Variants in MAF observed in about 807,000 individuals in gnomAD.
The protein encoded by MAF is MAF bZIP transcription factor.
MAF carries 10 observed loss-of-function variants against 22.0 expected under a neutral mutation model. The ratio of observed to expected loss-of-function variants is 0.45; its 90% CI spans 0.28 to 0.77. The LOEUF is 0.77. Ranked by LOEUF, MAF falls within the 30% of genes least tolerant of loss-of-function variation. The pLI is 0.12. For missense variants in MAF, 544 were observed against 548.4 expected (o/e 0.99, Z 0.08); for synonymous variants, 337 against 255.8 (o/e 1.32, Z -3.03).
At chr16:79,464,310 A>G in the MAF span, among the ~76,000 whole-genome samples, 2 of 152,112 alleles carry the variant, frequency 1.3e-5, no homozygotes, top group Non-Finnish European at 2.9e-5. Context: ...TGTAGAGATA[A>G]CTGAGAGGAC....
the MAF span, among the ~76,000 whole-genome samples, chr16:79,533,036 T>G: frequency 6.6e-6 from 1 of 152,250 alleles, no homozygotes; most frequent in African/African-American, 2.4e-5. Context: ...ATACGATGAC[T>G]AATACAGGAA....
At chr16:79,567,542 G>C in the MAF span, among the ~76,000 whole-genome samples, 1 of 151,978 alleles carries the variant, frequency 6.6e-6, no homozygotes, top group Non-Finnish European at 1.5e-5. Flanking sequence ...AATGATATTA[G>C]CAAACTAGTT....
the MAF span, among the ~76,000 whole-genome samples, chr16:79,544,091 A>G: frequency 6.6e-6 from 1 of 152,196 alleles, no homozygotes; most frequent in African/African-American, 2.4e-5. Flanking sequence ...ATTAAGTTTT[A>G]AAAAGCTACC....
At chr16:79,211,134 C>T in the MAF span, among the ~76,000 whole-genome samples, 1 of 151,920 alleles carries the variant, frequency 6.6e-6, no homozygotes, top group South Asian at 2.1e-4. Flanking sequence ...GATGATCTGG[C>T]AGCAGCCCCA....
the MAF span, among the ~76,000 whole-genome samples, chr16:79,228,967 G>A: frequency 4.5e-4 from 69 of 151,738 alleles, no homozygotes; most frequent in African/African-American, 1.6e-3. Flanking sequence ...GGGCCAAGAT[G>A]GGCTTTCATC....
chr16:79,593,777 A>ATTT (rs11307570), downstream of MAF: 50 of 173,020 alleles, frequency 2.9e-4, no homozygotes, highest in African/African-American at 1.1e-3. Context: ...AAAGGAGGTG[A>ATTT]TTTTTTTTTT....
the MAF span, among the ~76,000 whole-genome samples, chr16:79,576,520 C>A: frequency 6.6e-6 from 1 of 151,782 alleles, no homozygotes; most frequent in Non-Finnish European, 1.5e-5. Flanking sequence ...TCCCTAAGCA[C>A]AACTTTATTT....
At chr16:79,414,760 A>G in the MAF span, among the ~76,000 whole-genome samples, 41 of 152,342 alleles carry the variant, frequency 2.7e-4, 1 homozygote, top group Middle Eastern at 6.8e-3. Context: ...TTAATCAGGA[A>G]AAACTGTATT....
chr16:79,529,727 G>A, the MAF span, among the ~76,000 whole-genome samples: 7 of 152,178 alleles, frequency 4.6e-5, no homozygotes, highest in African/African-American at 1.4e-4. Flanking sequence ...TTGGGAGGCC[G>A]AGGCGAGTGG....
chr16:79,548,743 A>T, the MAF span, among the ~76,000 whole-genome samples: 2 of 152,216 alleles, frequency 1.3e-5, no homozygotes, highest in East Asian at 3.9e-4. Flanking sequence ...GCAGATACCT[A>T]CCCACCATAC....
chr16:79,552,726 T>C, the MAF span, among the ~76,000 whole-genome samples: 15 of 152,322 alleles, frequency 9.8e-5, no homozygotes, highest in African/African-American at 3.4e-4. Flanking sequence ...TTCTGGGTTC[T>C]TCCCACTGGA....
At chr16:79,356,318 G>C in the MAF span, among the ~76,000 whole-genome samples, 1 of 152,018 alleles carries the variant, frequency 6.6e-6, no homozygotes, top group African/African-American at 2.4e-5. Flanking sequence ...TTTAACTAAC[G>C]AGCAGGAAAT....
the MAF span, among the ~76,000 whole-genome samples, chr16:79,325,018 T>C: frequency 6.6e-6 from 1 of 152,056 alleles, no homozygotes; most frequent in Admixed American, 6.5e-5. Context: ...CATTCTCCCC[T>C]GTTCCTTCTT....
the MAF span, among the ~76,000 whole-genome samples, chr16:79,239,383 A>G: frequency 6.6e-6 from 1 of 151,984 alleles, no homozygotes; most frequent in Admixed American, 6.6e-5. Flanking sequence ...GTCCCGGGCA[A>G]GTTGGAATGA....
chr16:79,457,624 T>C, the MAF span, among the ~76,000 whole-genome samples: 5 of 152,216 alleles, frequency 3.3e-5, no homozygotes, highest in South Asian at 1.0e-3. Flanking sequence ...ACATATACAT[T>C]TGTATGTACT....
chr16:79,218,152 C>G, the MAF span, among the ~76,000 whole-genome samples: 1 of 151,816 alleles, frequency 6.6e-6, no homozygotes, highest in Non-Finnish European at 1.5e-5. Context: ...ACTGAACAAA[C>G]AGCTCTGAGT....
the MAF span, among the ~76,000 whole-genome samples, chr16:79,525,293 T>C: frequency 6.6e-6 from 1 of 152,136 alleles, no homozygotes; most frequent in South Asian, 2.1e-4. Flanking sequence ...TTGGGTAAAG[T>C]GATAGTCCAG....
chr16:79,597,693 A>G, intron 1 of MAF: 5 of 1,020,546 alleles, frequency 4.9e-6, no homozygotes, highest in Non-Finnish European at 5.9e-6. Flanking sequence ...ATGAGGCAAT[A>G]AAACAAAAGT....
chr16:79,500,026 G>C, the MAF span, among the ~76,000 whole-genome samples: 2 of 152,166 alleles, frequency 1.3e-5, no homozygotes, highest in African/African-American at 4.8e-5. Flanking sequence ...AGTAGAGAGA[G>C]ATGCAGCAGC....
Sources: allele counts gnomAD v4.1 joint callset (sites outside exome capture counted in the v4.1 genomes callset), GRCh38; gene constraint gnomAD v4.1.1; transcripts MANE v1.5; gene names NCBI Gene and HGNC (gene_info 2026-07-23, HGNC 2026-07-21).